The following SAMD12 variants were observed in gnomAD, a reference collection of about 807,000 sequenced individuals.
The protein encoded by SAMD12 is sterile alpha motif domain-containing protein 12.
SAMD12 carries 9 observed loss-of-function variants against 15.0 expected under a neutral mutation model. The observed-to-expected ratio is 0.60, with a 90% CI of 0.36 to 1.05. The LOEUF (loss-of-function observed/expected upper bound fraction) is 1.05, where lower values mean the gene tolerates loss of function less well. Among genes scored for constraint, SAMD12 ranks in the 50% least tolerant of loss-of-function variants. The probability of loss-of-function intolerance (pLI) is 0.01; values close to 1 mark genes in which losing one functional copy is unlikely to be tolerated. For synonymous variants in SAMD12, 86 were observed against 90.1 expected, an observed-to-expected ratio of 0.96 and a Z score of 0.25; for missense variants, 230 against 234.2, an observed-to-expected ratio of 0.98 and a Z score of 0.12.
At chr8:118,305,230 T>C (rs1038303887) in intron 4 of SAMD12, among the ~76,000 whole-genome samples, 2 of 150,396 alleles carry the variant, frequency 1.3e-5, no homozygotes, top group South Asian at 4.3e-4. Flanking sequence ...ATCATTGCTA[T>C]CCCTTTTCAG....
intron 3 of SAMD12, among the ~76,000 whole-genome samples, chr8:118,415,285 C>T (rs1412640629): frequency 6.6e-6 from 1 of 152,120 alleles, no homozygotes; most frequent in Non-Finnish European, 1.5e-5. Flanking sequence ...TTTTTGCTTC[C>T]ATCCAAGATC....
chr8:118,342,066 G>A (rs1022542140), intron 4 of SAMD12, among the ~76,000 whole-genome samples: 66 of 152,204 alleles, frequency 4.3e-4, no homozygotes, highest in Admixed American at 4.3e-3. Flanking sequence ...AAGGTGGGCA[G>A]ATCACCTGAG....
intron 3 of SAMD12, among the ~76,000 whole-genome samples, chr8:118,404,819 C>T (rs1368783873): frequency 6.6e-6 from 1 of 152,120 alleles, no homozygotes; most frequent in East Asian, 1.9e-4. Flanking sequence ...TTGTAATACG[C>T]TTTTCATGTT....
At chr8:118,366,786 TG>T (rs1818790350) in intron 4 of SAMD12, among the ~76,000 whole-genome samples, 1 of 145,140 alleles carries the variant, frequency 6.9e-6, no homozygotes, top group African/African-American at 2.5e-5. Flanking sequence ...CACTCCAGCC[TG>T]GGCAACAAGA....
At chr8:118,595,674 T>C (rs1002286762) in intron 1 of SAMD12, among the ~76,000 whole-genome samples, 2 of 152,226 alleles carry the variant, frequency 1.3e-5, no homozygotes, top group African/African-American at 4.8e-5. Context: ...GTTCTTCTGC[T>C]TTGCTCTTTT....
intron 4 of SAMD12, among the ~76,000 whole-genome samples, chr8:118,337,293 A>G (rs7829900): frequency 0.52 from 78,292 of 151,828 alleles, 21,970 homozygotes; most frequent in African/African-American, 0.76. Flanking sequence ...AATCCATGTC[A>G]CACGCCAGCT....
At chr8:118,351,328 T>C (rs1192811287) in intron 4 of SAMD12, among the ~76,000 whole-genome samples, 1 of 152,160 alleles carries the variant, frequency 6.6e-6, no homozygotes, top group Non-Finnish European at 1.5e-5. Flanking sequence ...TTGTTGCTGA[T>C]TAGATCAAAG....
At chr8:118,336,535 C>A (rs1464779583) in intron 4 of SAMD12, among the ~76,000 whole-genome samples, 1 of 152,120 alleles carries the variant, frequency 6.6e-6, no homozygotes, top group Non-Finnish European at 1.5e-5. Context: ...TGGGTAGATA[C>A]CCCGTAATGG....
At chr8:118,501,928 A>AATG (rs1563897413) in intron 2 of SAMD12, among the ~76,000 whole-genome samples, 1 of 151,644 alleles carries the variant, frequency 6.6e-6, no homozygotes, top group Non-Finnish European at 1.5e-5. Context: ...GAGGCAGGAG[A>AATG]ATGGCACGAA....
At chr8:118,153,441 C>T in the SAMD12 span, among the ~76,000 whole-genome samples, 3 of 152,112 alleles carry the variant, frequency 2.0e-5, no homozygotes, top group African/African-American at 7.2e-5. Flanking sequence ...AAAGGAACTG[C>T]AAAATATACT....
intron 4 of SAMD12, among the ~76,000 whole-genome samples, chr8:118,260,174 T>A (rs1432594664): frequency 6.6e-6 from 1 of 152,118 alleles, no homozygotes; most frequent in Non-Finnish European, 1.5e-5. Flanking sequence ...CCCAAACCCA[T>A]ATACCTGTGT....
At chr8:118,413,030 C>A (rs1052592939) in intron 3 of SAMD12, among the ~76,000 whole-genome samples, 1 of 152,074 alleles carries the variant, frequency 6.6e-6, no homozygotes, top group Non-Finnish European at 1.5e-5. Flanking sequence ...AGAAGGTATA[C>A]CTGGGCCGGT....
At chr8:118,428,181 T>C (rs1254404080) in intron 3 of SAMD12, among the ~76,000 whole-genome samples, 2 of 152,206 alleles carry the variant, frequency 1.3e-5, no homozygotes, top group East Asian at 3.8e-4. Context: ...TTTAGATATA[T>C]AATAAAAGTG....
intron 2 of SAMD12, among the ~76,000 whole-genome samples, chr8:118,485,869 C>T (rs1356605839): frequency 6.6e-6 from 1 of 152,186 alleles, no homozygotes; most frequent in Non-Finnish European, 1.5e-5. Context: ...ACACATATCA[C>T]AGAATCACTA....
chr8:118,270,078 A>G (rs887103633), intron 4 of SAMD12, among the ~76,000 whole-genome samples: 2 of 152,232 alleles, frequency 1.3e-5, no homozygotes, highest in Non-Finnish European at 2.9e-5. Context: ...AGTTTTCTGC[A>G]GTAATTGTTA....
chr8:118,414,756 A>G (rs1821597521), intron 3 of SAMD12, among the ~76,000 whole-genome samples: 1 of 152,196 alleles, frequency 6.6e-6, no homozygotes, highest in South Asian at 2.1e-4. Flanking sequence ...CCTATCCGCA[A>G]AGAATTTTCT....
intron 4 of SAMD12, among the ~76,000 whole-genome samples, chr8:118,318,329 T>TATATATATATATATACAC (rs1816042128): frequency 1.3e-5 from 1 of 76,144 alleles, no homozygotes; most frequent in African/African-American, 5.9e-5. Flanking sequence ...TATATATATA[T>TATATATATATATATACAC]ATATATATAT....
chr8:118,340,296 A>G (rs1349891728), intron 4 of SAMD12, among the ~76,000 whole-genome samples: 1 of 152,010 alleles, frequency 6.6e-6, no homozygotes, highest in Non-Finnish European at 1.5e-5. Flanking sequence ...AAAACCAGTT[A>G]CCAGGGGTGA....
At position 118,393,841 on chromosome 8, in the gene SAMD12, A is replaced by T. The variant is rs1003097105; in HGVS notation, c.323-14141T>A. On this transcript the variant is annotated intron_variant, in intron 3 of 3. Transcript: ENST00000314727. ...GTTCTTGAACTCCTCACCTCAGGTG[A>T]TCCACCTGTCTTGGCTTCCCAAAGT... Among the ~76,000 whole-genome samples, 3 of 152,072 alleles carry T rather than the reference A, an allele frequency of 2.0e-5. No individual in the cohort carries two copies. In the South Asian group the frequency reaches 6.3e-4, roughly 32 times the overall value.
Sources: gnomAD v4.1 joint callset for allele counts (sites outside exome capture counted in the v4.1 genomes callset) on GRCh38, gnomAD v4.1.1 for gene constraint, MANE v1.5 for transcripts, NCBI Gene and HGNC (gene_info 2026-07-23, HGNC 2026-07-21) for gene names.